The following FGF14 variants were observed in gnomAD, a reference collection of about 807,000 sequenced individuals.
The protein encoded by FGF14 is fibroblast growth factor 14.
Under a neutral mutation model 25.5 loss-of-function variants are expected in FGF14, and 5 were observed. The ratio of observed to expected loss-of-function variants is 0.20; its 90% CI spans 0.10 to 0.41. The LOEUF (loss-of-function observed/expected upper bound fraction) is 0.41, where lower values mean the gene tolerates loss of function less well. FGF14 is among the 10% of genes least tolerant of loss of function. The pLI is 1.00. For missense variants in FGF14, 222 were observed against 320.1 expected (o/e 0.69, Z 2.34); for synonymous variants, 138 against 118.3 (o/e 1.17, Z -1.08).
At chr13:101,777,497 C>T (rs2039200377) in intron 3 of FGF14, among the ~76,000 whole-genome samples, 1 of 152,114 alleles carries the variant, frequency 6.6e-6, no homozygotes, top group Admixed American at 6.6e-5. Flanking sequence ...TTAACTGACA[C>T]TGTTTGCCTG....
chr13:102,153,819 G>A (rs528505871), intron 1 of FGF14, among the ~76,000 whole-genome samples: 32 of 152,182 alleles, frequency 2.1e-4, no homozygotes, highest in Middle Eastern at 3.4e-3. Flanking sequence ...AGAGAAGGAC[G>A]AATCACAAGT....
intron 1 of FGF14, among the ~76,000 whole-genome samples, chr13:102,203,760 T>A (rs1006345076): frequency 5.9e-5 from 9 of 152,204 alleles, no homozygotes; most frequent in African/African-American, 2.2e-4. Context: ...CAATCTTCAT[T>A]TTTTTCTTCC....
At chr13:101,943,826 A>ATATATATATATATATATATAT (rs1248619839) in intron 1 of FGF14, among the ~76,000 whole-genome samples, 3 of 126,806 alleles carry the variant, frequency 2.4e-5, no homozygotes, top group African/African-American at 1.0e-4. Context: ...AAAAAAAAAA[A>ATATATATATATATATATATAT]ATATATATAT....
intron 1 of FGF14, among the ~76,000 whole-genome samples, chr13:102,323,433 T>C (rs2056316047): frequency 6.6e-6 from 1 of 152,218 alleles, no homozygotes; most frequent in Non-Finnish European, 1.5e-5. Context: ...AAAGTCTGTT[T>C]TATAATTTTC....
chr13:102,312,007 T>C (rs1205881431), intron 1 of FGF14, among the ~76,000 whole-genome samples: 1 of 152,202 alleles, frequency 6.6e-6, no homozygotes, highest in African/African-American at 2.4e-5. Flanking sequence ...AACATTTTAA[T>C]TTGGGAACCA....
intron 1 of FGF14, chr13:102,367,588 A>T (rs2057751431): frequency 7.4e-6 from 1 of 135,156 alleles, no homozygotes; most frequent in Non-Finnish European, 1.6e-5. Flanking sequence ...AAGGCTGGCG[A>T]CCACAGATCC....
chr13:101,779,230 T>A (rs575387923), intron 3 of FGF14, among the ~76,000 whole-genome samples: 1 of 152,310 alleles, frequency 6.6e-6, no homozygotes, highest in South Asian at 2.1e-4. Flanking sequence ...CCCCCTTTAG[T>A]TATCTCACCT....
chr13:102,134,949 C>T (rs1334077345), intron 1 of FGF14, among the ~76,000 whole-genome samples: 6 of 150,954 alleles, frequency 4.0e-5, no homozygotes, highest in South Asian at 2.1e-4. Flanking sequence ...TCTGGGAGGC[C>T]GAAGTAGAGG....
At chr13:102,240,421 T>C (rs1452275980) in intron 1 of FGF14, among the ~76,000 whole-genome samples, 1 of 152,192 alleles carries the variant, frequency 6.6e-6, no homozygotes, top group African/African-American at 2.4e-5. Flanking sequence ...ACCTCTACTG[T>C]TAACATTGCT....
At chr13:102,094,851 G>C (rs935227471) in intron 1 of FGF14, among the ~76,000 whole-genome samples, 3 of 151,992 alleles carry the variant, frequency 2.0e-5, no homozygotes, top group Non-Finnish European at 4.4e-5. Flanking sequence ...CGGCCACCTA[G>C]AACCCCATAG....
chr13:102,131,344 T>C (rs1416553473), intron 1 of FGF14, among the ~76,000 whole-genome samples: 1 of 152,246 alleles, frequency 6.6e-6, no homozygotes, highest in Non-Finnish European at 1.5e-5. Context: ...ACTGATGCTT[T>C]TTATAAAGAA....
Position 102,177,033 on chromosome 13 carries a change from A to G in FGF14, c.208+224438T>C, listed in dbSNP as rs890169304. Among the ~76,000 whole-genome samples the G allele has an allele frequency of 7.2e-5, 11 of 152,284 alleles. No individual in the cohort carries two copies. In the East Asian group the frequency reaches 2.1e-3, roughly 29 times the overall value. ...TCCTTTACTACTTCATAAAAACATC[A>G]ATCAACCAAACAATGGTTCAGATAG... is the stretch of plus-strand genomic sequence containing the variant. On this transcript the variant is annotated intron_variant, in intron 1 of 4. Coordinates refer to the FGF14 transcript ENST00000376131.
chr13:102,300,867 G>T (rs1051786633), intron 1 of FGF14, among the ~76,000 whole-genome samples: 1 of 150,894 alleles, frequency 6.6e-6, no homozygotes, highest in African/African-American at 2.4e-5. Flanking sequence ...ATCTAAATTT[G>T]CTTATATTCC....
chr13:102,339,006 T>C (rs1342951675), intron 1 of FGF14, among the ~76,000 whole-genome samples: 1 of 59,864 alleles, frequency 1.7e-5, no homozygotes, highest in South Asian at 6.7e-4. Flanking sequence ...TAAGACTCTG[T>C]CTCAAAAAAA....
intron 3 of FGF14, among the ~76,000 whole-genome samples, chr13:101,830,156 C>A (rs1024817327): frequency 2.0e-5 from 3 of 152,090 alleles, no homozygotes; most frequent in African/African-American, 7.2e-5. Flanking sequence ...ACAGTGGCTG[C>A]AGCAGAAACC....
intron 1 of FGF14, among the ~76,000 whole-genome samples, chr13:101,988,274 C>A (rs1291643814): frequency 6.6e-6 from 1 of 151,632 alleles, no homozygotes; most frequent in Admixed American, 6.6e-5. Context: ...GCCAAGAAGC[C>A]AACAAGCAGA....
At chr13:102,349,081 T>C (rs998440466) in intron 1 of FGF14, among the ~76,000 whole-genome samples, 2 of 152,082 alleles carry the variant, frequency 1.3e-5, no homozygotes, top group Non-Finnish European at 2.9e-5. Flanking sequence ...TACTAGCACC[T>C]ATTGGGTAGA....
intron 1 of FGF14, among the ~76,000 whole-genome samples, chr13:102,058,055 C>T (rs1349391910): frequency 6.6e-6 from 1 of 152,140 alleles, no homozygotes; most frequent in Non-Finnish European, 1.5e-5. Flanking sequence ...GGACCTGAAA[C>T]CTGTGAAGCT....
intron 1 of FGF14, among the ~76,000 whole-genome samples, chr13:101,938,399 C>A (rs1324051611): frequency 1.3e-5 from 2 of 152,150 alleles, no homozygotes; most frequent in African/African-American, 2.4e-5. Context: ...TAGAGAATAT[C>A]TTCATGAAAT....
Sources: allele counts gnomAD v4.1 joint callset (sites outside exome capture counted in the v4.1 genomes callset), GRCh38; gene constraint gnomAD v4.1.1; transcripts MANE v1.5; gene names NCBI Gene and HGNC (gene_info 2026-07-23, HGNC 2026-07-21).